The following MYLK variants were observed in gnomAD, a reference collection of about 807,000 sequenced individuals.
MYLK encodes myosin light chain kinase.
Under a neutral mutation model 203.4 loss-of-function variants are expected in MYLK, and 106 were observed. The observed-to-expected ratio is 0.52, with a 90% CI of 0.45 to 0.61. The LOEUF is 0.61. Among genes scored for constraint, MYLK ranks in the 20% least tolerant of loss-of-function variants. The pLI, the probability that MYLK is intolerant of heterozygous loss-of-function variation, is 0.00. For synonymous variants in MYLK, 867 were observed against 959.5 expected (o/e 0.90, Z 1.78); for missense variants, 2,072 against 2,442.3 (o/e 0.85, Z 3.20).
chr3:123,777,912 G>A (rs796433804), intron 4 of MYLK, among the ~76,000 whole-genome samples: 13 of 152,220 alleles, frequency 8.5e-5, no homozygotes, highest in African/African-American at 3.1e-4. Context: ...ATTTTTTACA[G>A]ACAAAATGAT....
In MYLK at chr3:123,611,675, AT is replaced by A; in HGVS notation, c.*2429del. On this transcript the variant is annotated 3_prime_UTR_variant, in exon 34 of 34. Coordinates refer to ENST00000360304, the MANE Select transcript of MYLK (RefSeq NM_053025.4). ...TATTATTATTACATTGTAATAATAT[AT>A]TTTATTATAATATAAAATAAGTATA... is the stretch of plus-strand genomic sequence containing the variant. 1 of 153,872 alleles carries A rather than the reference AT, an allele frequency of 6.5e-6. No individual in the cohort carries two copies. Among genetic ancestry groups the A allele is most frequent in the Non-Finnish European group, 1.4e-5 (1 of 69,484 alleles). The allele number at this position is 153,872 out of a possible 1,614,324, so 9.5% of individuals were successfully genotyped here. A position where few individuals can be genotyped will look rare whatever the true frequency, so the allele number is the denominator to read the frequency against.
chr3:123,652,431 T>G (rs941302944), intron 24 of MYLK, among the ~76,000 whole-genome samples: 1 of 152,210 alleles, frequency 6.6e-6, no homozygotes, highest in African/African-American at 2.4e-5. Flanking sequence ...GAGGATCAGC[T>G]GAGTGCTCAG....
chr3:123,735,570 C>T (rs1019788376), intron 8 of MYLK, 154 bp from the exon 9 acceptor site: 6 of 791,850 alleles, frequency 7.6e-6, no homozygotes, highest in African/African-American at 3.4e-5. Context: ...GAACTCCCCC[C>T]AGCCCTAGAG....
chr3:123,631,692 A>G (rs769424481), intron 29 of MYLK, among the ~76,000 whole-genome samples: 1 of 152,114 alleles, frequency 6.6e-6, no homozygotes, highest in African/African-American at 2.4e-5. Context: ...GTTTCTGAAT[A>G]ATAGATCTTT....
At chr3:123,633,420 C>T (rs2058515751) in intron 29 of MYLK, among the ~76,000 whole-genome samples, 1 of 152,170 alleles carries the variant, frequency 6.6e-6, no homozygotes, top group African/African-American at 2.4e-5. Flanking sequence ...AGCCACTGCG[C>T]CCAGCTAGAT....
chr3:123,880,932 G>T (rs1269686017), intron 1 of MYLK, among the ~76,000 whole-genome samples: 1 of 152,134 alleles, frequency 6.6e-6, no homozygotes, highest in Admixed American at 6.5e-5. Context: ...CTGTTGGCCC[G>T]CAGTGCAAAT....
At position 123,611,474 on chromosome 3, in the gene MYLK, T is replaced by G. The variant is rs923891346; in HGVS notation, c.*2631A>C. ...TGATGATGATGATGATAATGTCACA[T>G]GTTAAAAATGTCATATAGATTTTAG... On this transcript the variant is annotated 3_prime_UTR_variant, in exon 34 of 34. Transcript: ENST00000360304. The G allele has an allele frequency of 6.8e-6, 1 of 146,564 alleles. No individual in the cohort carries two copies. The allele number at this position is 146,564 out of a possible 1,614,324, so 9.1% of individuals were successfully genotyped here. A position where few individuals can be genotyped will look rare whatever the true frequency, so the allele number is the denominator to read the frequency against.
chr3:123,784,403 T>TTA (rs869293939), intron 4 of MYLK, among the ~76,000 whole-genome samples: 1 of 147,774 alleles, frequency 6.8e-6, no homozygotes, highest in East Asian at 2.0e-4. Flanking sequence ...TTTTTTTTTT[T>TTA]ACCTCTGTCA....
At chr3:123,872,798 T>C (rs746405014) in intron 2 of MYLK, among the ~76,000 whole-genome samples, 28 of 152,200 alleles carry the variant, frequency 1.8e-4, no homozygotes, top group Admixed American at 1.3e-4. Flanking sequence ...GGAGTTTTTA[T>C]GGAGGTTCCG....
At chr3:123,809,733 C>G (rs1216266457) in intron 3 of MYLK, among the ~76,000 whole-genome samples, 1 of 152,166 alleles carries the variant, frequency 6.6e-6, no homozygotes, top group African/African-American at 2.4e-5. Flanking sequence ...ATCCCAGTTG[C>G]CCTGCTTCTG....
chr3:123,632,227 C>T (rs71332710), intron 29 of MYLK, among the ~76,000 whole-genome samples: 2,033 of 152,188 alleles, frequency 0.013, 16 homozygotes, highest in Middle Eastern at 0.044. Context: ...TAGGGGCCTC[C>T]CAGCTCTCTC....
chr3:123,617,079 T>G (rs1024508294), intron 33 of MYLK: 4 of 152,208 alleles, frequency 2.6e-5, no homozygotes, highest in Non-Finnish European at 5.9e-5. Flanking sequence ...CAGGAAGAGC[T>G]GGTCATAAAG....
chr3:123,615,805 C>T (rs1407346083), intron 33 of MYLK, among the ~76,000 whole-genome samples: 2 of 151,790 alleles, frequency 1.3e-5, no homozygotes, highest in Non-Finnish European at 2.9e-5. Context: ...CACACCACCA[C>T]ACCCAGCTAA....
intron 3 of MYLK, among the ~76,000 whole-genome samples, chr3:123,811,568 A>G (rs990152329): frequency 2.6e-5 from 4 of 151,968 alleles, no homozygotes; most frequent in African/African-American, 9.7e-5. Context: ...GAAATTCCAC[A>G]CCCTACCGGG....
At chr3:123,721,422 G>A (rs1220707609) in intron 13 of MYLK, among the ~76,000 whole-genome samples, 1 of 152,220 alleles carries the variant, frequency 6.6e-6, no homozygotes, top group African/African-American at 2.4e-5. Flanking sequence ...CTGTCACCAG[G>A]CCTGCTGATA....
At chr3:123,732,335 G>T (rs1393917742) in intron 11 of MYLK, among the ~76,000 whole-genome samples, 3 of 152,104 alleles carry the variant, frequency 2.0e-5, no homozygotes, top group South Asian at 4.1e-4. Flanking sequence ...TCCAAGAATT[G>T]TATAAAAAGA....
intron 11 of MYLK, among the ~76,000 whole-genome samples, chr3:123,731,558 T>C (rs1472769456): frequency 6.6e-6 from 1 of 152,206 alleles, no homozygotes; most frequent in East Asian, 1.9e-4. Context: ...TTTTTTTCTT[T>C]TGGAAATGTG....
intron 2 of MYLK, among the ~76,000 whole-genome samples, chr3:123,847,047 AAT>A (rs1337557427): frequency 6.6e-6 from 1 of 152,128 alleles, no homozygotes; most frequent in Non-Finnish European, 1.5e-5. Context: ...ACCAACTGCA[AAT>A]CCAAAATATA....
intron 2 of MYLK, among the ~76,000 whole-genome samples, chr3:123,842,356 TG>T (rs1409950740): frequency 6.6e-6 from 1 of 152,086 alleles, no homozygotes; most frequent in East Asian, 1.9e-4. Context: ...GTTTTAGAAA[TG>T]GGGGTCTAGT....
Sources: gnomAD v4.1 joint callset for allele counts (sites outside exome capture counted in the v4.1 genomes callset) on GRCh38, gnomAD v4.1.1 for gene constraint, MANE v1.5 for transcripts, NCBI Gene and HGNC (gene_info 2026-07-23, HGNC 2026-07-21) for gene names.